RWDD1: variants seen among roughly 807,000 people sequenced by gnomAD.
RWDD1 encodes the protein RWD domain-containing protein 1.
A neutral mutation model predicts 31.6 loss-of-function variants in RWDD1; 17 were observed. The ratio of observed to expected loss-of-function variants is 0.54; its 90% CI spans 0.37 to 0.81. The LOEUF is 0.81. Among genes scored for constraint, RWDD1 ranks in the 30% least tolerant of loss-of-function variants. RWDD1 has a pLI of 0.00. For synonymous variants in RWDD1, 78 were observed against 94.2 expected (o/e 0.83, Z 0.99); for missense variants, 204 against 274.5 (o/e 0.74, Z 1.82).
At chr6:116,591,547 C>T (rs976629896) in intron 6 of RWDD1, among the ~76,000 whole-genome samples, 2 of 152,208 alleles carry the variant, frequency 1.3e-5, no homozygotes, top group African/African-American at 4.8e-5. Context: ...CATCTAGTCC[C>T]TTGTGCTTTT....
intron 1 of RWDD1, among the ~76,000 whole-genome samples, chr6:116,579,598 G>A (rs1774913248): frequency 6.6e-6 from 1 of 152,160 alleles, no homozygotes; most frequent in African/African-American, 2.4e-5. Context: ...AAACAGAGAT[G>A]AGTATTAGAT....
At chr6:116,574,001 A>G (rs778010094) in intron 1 of RWDD1, 1 of 984,410 alleles carries the variant, frequency 1.0e-6, no homozygotes, top group Non-Finnish European at 1.2e-6. Context: ...CCAGTGTTGC[A>G]TTTGTTGTGA....
In RWDD1 at chr6:116,594,355, A is replaced by G. The variant is rs1358734047; in HGVS notation, c.*1254A>G. The G allele has an allele frequency of 6.6e-6, 1 of 152,156 alleles. No homozygotes were observed. The highest frequency in any genetic ancestry group is 1.5e-5 in the Non-Finnish European group (1 of 68,028). 9.4% of individuals were successfully genotyped at this position (152,156 alleles called of 1,614,324 possible). The stretch of plus-strand genomic sequence containing the variant: ...TAGAATTTAAATTAAAATTTAAATT[A>G]CAGTATTTAAATTAGAATCATTTGT... On this transcript the variant is annotated 3_prime_UTR_variant, in exon 7 of 7. Coordinates refer to ENST00000466444, the MANE Select transcript of RWDD1 (RefSeq NM_015952.4).
rs113702487 is a variant in RWDD1 at position 116,575,311 on chromosome 6, C to G, written c.73+3656C>G. Among the ~76,000 whole-genome samples the G allele has an allele frequency of 7.2e-5, 11 of 152,044 alleles. 2 individuals carry two copies. The highest frequency in any genetic ancestry group is 2.4e-4 in the African/African-American group (10 of 41,456). On this transcript the variant is annotated intron_variant, in intron 1 of 6. Coordinates refer to ENST00000466444, the MANE Select transcript of RWDD1 (RefSeq NM_015952.4). ...TATGTTCCCAGGCTGGTCTTGAACT[C>G]CTGGCCTCAAGTGATCCACCCACTT...
At position 116,595,971 on chromosome 6, in the gene RWDD1, C is replaced by T. The variant is rs1775234246; in HGVS notation, c.*2870C>T. Reference sequence around the variant, plus strand: ...ATCTCATCAATTTAAAGGACAAGTTCACTGATCGTACTGTCATACTCCAGA... The same window carrying T: ...ATCTCATCAATTTAAAGGACAAGTTTACTGATCGTACTGTCATACTCCAGA... On this transcript the variant is annotated 3_prime_UTR_variant, in exon 7 of 7. Transcript: ENST00000466444. 1 of 152,162 alleles carries T rather than the reference C, an allele frequency of 6.6e-6. No individual in the cohort carries two copies. The highest frequency in any genetic ancestry group is 1.5e-5 in the Non-Finnish European group (1 of 68,030). 9.4% of individuals were successfully genotyped at this position (152,162 alleles called of 1,614,324 possible). A position where few individuals can be genotyped will look rare whatever the true frequency, so the allele number is the denominator to read the frequency against.
At chr6:116,576,570 T>C (rs1774845792) in intron 1 of RWDD1, among the ~76,000 whole-genome samples, 1 of 152,238 alleles carries the variant, frequency 6.6e-6, no homozygotes, top group Non-Finnish European at 1.5e-5. Context: ...CCAGGTCCGG[T>C]AGTTCACTGA....
At chr6:116,575,572 GC>G (rs59272435) in intron 1 of RWDD1, among the ~76,000 whole-genome samples, 16,594 of 152,158 alleles carry the variant, frequency 0.11, 1,054 homozygotes, top group Admixed American at 0.18. Context: ...TTTAGTTACT[GC>G]CCAACTTTGA....
chr6:116,595,728 G>A lies in RWDD1; in HGVS notation c.*2627G>A, dbSNP rs1378154265. The A allele has an allele frequency of 6.6e-6, 1 of 152,182 alleles. No individual in the cohort carries two copies. The highest frequency in any genetic ancestry group is 1.5e-5 in the Non-Finnish European group (1 of 68,026). 9.4% of individuals were successfully genotyped at this position (152,182 alleles called of 1,614,324 possible). ...AATAGAGTGCAAAATTAATTCTAAT[G>A]TATTTTAAAGTAAAGCATGAGAGTT... On this transcript the variant is annotated 3_prime_UTR_variant, in exon 7 of 7. Transcript: ENST00000466444.
intron 1 of RWDD1, among the ~76,000 whole-genome samples, chr6:116,576,012 T>C (rs981285627): frequency 1.3e-5 from 2 of 152,238 alleles, no homozygotes; most frequent in Non-Finnish European, 2.9e-5. Context: ...TGGTAGTCAG[T>C]ATGCTCAGTT....
chr6:116,574,662 TTCTTTCTC>T (rs60266790), intron 1 of RWDD1, among the ~76,000 whole-genome samples: 16,267 of 151,244 alleles, frequency 0.11, 1,002 homozygotes, highest in Admixed American at 0.18. Flanking sequence ...CTTTCTTTCT[TTCTTTCTC>T]TCTCTCTCTC....
rs1029682830 is a variant in RWDD1, at chr6:116,595,690, G to A, written c.*2589G>A. ...AGTAGGTCCCTAATATTTGTTGAAT[G>A]AATGAATTATAGAATAGAGTGCAAA... On this transcript the variant is annotated 3_prime_UTR_variant, in exon 7 of 7. Coordinates refer to ENST00000466444, the MANE Select transcript of RWDD1 (RefSeq NM_015952.4). 3 of 152,188 alleles carry A rather than the reference G, an allele frequency of 2.0e-5. No homozygotes were observed. Among genetic ancestry groups the A allele is most frequent in the Non-Finnish European group, 2.9e-5 (2 of 68,026 alleles). The allele number at this position is 152,188 out of a possible 1,614,324, so 9.4% of individuals were successfully genotyped here. A position where few individuals can be genotyped will look rare whatever the true frequency, so the allele number is the denominator to read the frequency against.
intron 6 of RWDD1, 131 bp downstream of exon 6, chr6:116,591,081 T>A: frequency 8.0e-7 from 1 of 1,251,034 alleles, no homozygotes; most frequent in Non-Finnish European, 1.0e-6. Flanking sequence ...GGCAACATAG[T>A]GAGACCCTGA....
chr6:116,574,880 C>T (rs1480337062), intron 1 of RWDD1, among the ~76,000 whole-genome samples: 1 of 151,610 alleles, frequency 6.6e-6, no homozygotes, highest in Non-Finnish European at 1.5e-5. Flanking sequence ...GTGATCTTCC[C>T]ACCTCAGCCT....
chr6:116,573,130 T>C (rs142793628), intron 1 of RWDD1: 195 of 363,198 alleles, frequency 5.4e-4, no homozygotes, highest in African/African-American at 4.2e-3. Context: ...GTATGAACAC[T>C]GTAGGCAGAG....
At chr6:116,579,439 T>C (rs1020634688) in intron 1 of RWDD1, among the ~76,000 whole-genome samples, 1 of 152,238 alleles carries the variant, frequency 6.6e-6, no homozygotes, top group Non-Finnish European at 1.5e-5. Context: ...AGTACAAGTT[T>C]TCTTTGTTAC....
chr6:116,580,291 G>C lies in RWDD1; in HGVS notation c.74-4G>C. On this transcript the variant is annotated splice_region_variant and splice_polypyrimidine_tract_variant and intron_variant, in intron 1 of 6. Transcript: ENST00000466444. Reference sequence around the variant, plus strand: ...CAATAACTTCTGTGTGTATTTTCTTGCAGTATTATCAGAAAATCCACCCAG... The same window carrying C: ...CAATAACTTCTGTGTGTATTTTCTTCCAGTATTATCAGAAAATCCACCCAG... 1 of 1,593,296 alleles carries C rather than the reference G, an allele frequency of 6.3e-7. No homozygotes were observed. Among genetic ancestry groups the C allele is most frequent in the Non-Finnish European group, 8.6e-7 (1 of 1,165,938 alleles).
intron 6 of RWDD1, among the ~76,000 whole-genome samples, chr6:116,591,878 C>A (rs1467935634): frequency 6.6e-6 from 1 of 152,260 alleles, no homozygotes. Context: ...TAGCTTACTG[C>A]TAAATGCTTT....
Position 116,594,717 on chromosome 6 carries a change from A to T in RWDD1, c.*1616A>T, listed in dbSNP as rs1033939572. The T allele has an allele frequency of 1.7e-4, 26 of 152,232 alleles. No homozygotes were observed. Among genetic ancestry groups the T allele is most frequent in the Non-Finnish European group, 2.9e-4 (20 of 68,040 alleles). The allele number at this position is 152,232 out of a possible 1,614,324, so 9.4% of individuals were successfully genotyped here. On this transcript the variant is annotated 3_prime_UTR_variant, in exon 7 of 7. Coordinates refer to ENST00000466444, the MANE Select transcript of RWDD1 (RefSeq NM_015952.4). The stretch of plus-strand genomic sequence containing the variant: ...GCTCCAGGTAGGAGAGCCAGTCTTC[A>T]TGCAAGTTATTCAGTCACTACAGTT...
chr6:116,588,722 TTAAA>T (rs1775083366), intron 3 of RWDD1, 116 bp from the exon 4 acceptor site: 1 of 477,546 alleles, frequency 2.1e-6, no homozygotes, highest in Non-Finnish European at 3.4e-6. Context: ...ATATGCTTAC[TTAAA>T]TGATCTTTTA....
Sources: allele counts gnomAD v4.1 joint callset (sites outside exome capture counted in the v4.1 genomes callset), GRCh38; gene constraint gnomAD v4.1.1; transcripts MANE v1.5; gene names NCBI Gene and HGNC (gene_info 2026-07-23, HGNC 2026-07-21).